Variants in RPTOR observed in about 807,000 individuals in gnomAD.
RPTOR encodes the protein regulatory associated protein of MTOR complex 1.
In RPTOR, 21 loss-of-function variants were observed where a neutral mutation model predicts 169.9. The observed-to-expected ratio is 0.12, with a 90% CI of 0.09 to 0.18. The LOEUF (loss-of-function observed/expected upper bound fraction) is 0.18. RPTOR is among the 10% of genes least tolerant of loss of function. The pLI, the probability that RPTOR is intolerant of heterozygous loss-of-function variation, is 1.00. For synonymous variants in RPTOR, 732 were observed against 753.2 expected (o/e 0.97, Z 0.46); for missense variants, 1,133 against 1,855.9 (o/e 0.61, Z 7.16).
At chr17:80,879,344 G>A (rs1260960999) in intron 13 of RPTOR, among the ~76,000 whole-genome samples, 2 of 149,492 alleles carry the variant, frequency 1.3e-5, no homozygotes, top group African/African-American at 2.5e-5. Context: ...CCTGCCCAAC[G>A]CCACCTGCCC....
intron 6 of RPTOR, among the ~76,000 whole-genome samples, chr17:80,781,805 G>T (rs979783482): frequency 2.6e-5 from 4 of 152,238 alleles, no homozygotes; most frequent in Admixed American, 6.5e-5. Flanking sequence ...CCTGCACTGC[G>T]CTGGAGGGAC....
chr17:80,800,531 C>T (rs772076050), intron 7 of RPTOR, among the ~76,000 whole-genome samples: 4 of 152,188 alleles, frequency 2.6e-5, no homozygotes, highest in Non-Finnish European at 4.4e-5. Flanking sequence ...TCTAATTAAG[C>T]TGCTGTGTCT....
intron 20 of RPTOR, 50 bp from the exon 21 acceptor site, chr17:80,908,761 C>T: frequency 1.8e-5 from 24 of 1,364,408 alleles, no homozygotes; most frequent in Non-Finnish European, 2.5e-5. Flanking sequence ...CCTTAGGAGC[C>T]TCATTGGCAG....
rs1555626160 is a variant in RPTOR at position 80,844,988 on chromosome 17, TTC to T, written c.1213-1483_1213-1482del. ...GAGGCTGGTAGTTGTTTTTTTTTTT[TTC>T]TTTAATTCTTTGTATCGGGGGCTCA... On this transcript the variant is annotated intron_variant, in intron 10 of 33. Coordinates refer to ENST00000306801, the MANE Select transcript of RPTOR (RefSeq NM_020761.3). The surrounding 1 kb of genome is among the most constrained non-coding windows in gnomAD (Gnocchi z 4.7). Among the ~76,000 whole-genome samples, 24 of 151,648 alleles carry T rather than the reference TTC, an allele frequency of 1.6e-4. No homozygotes were observed. In the East Asian group the frequency reaches 4.6e-3, roughly 29 times the overall value.
At chr17:80,943,516 C>T (rs535388884) in intron 25 of RPTOR, among the ~76,000 whole-genome samples, 1 of 152,082 alleles carries the variant, frequency 6.6e-6, no homozygotes, top group Admixed American at 6.5e-5. Flanking sequence ...GGTTCTACCC[C>T]AGATCGGGAG....
intron 1 of RPTOR, among the ~76,000 whole-genome samples, chr17:80,566,139 G>A (rs2084586938): frequency 1.3e-5 from 2 of 152,216 alleles, no homozygotes; most frequent in South Asian, 4.1e-4. Flanking sequence ...GAGTCTGAGT[G>A]TTTTCATCAA....
chr17:80,725,470 A>G (rs950608872), intron 4 of RPTOR, among the ~76,000 whole-genome samples: 1 of 152,242 alleles, frequency 6.6e-6, no homozygotes, highest in Non-Finnish European at 1.5e-5. Flanking sequence ...AATGAAAACC[A>G]TTGGCCACAA....
intron 6 of RPTOR, among the ~76,000 whole-genome samples, chr17:80,777,206 C>T (rs2066899653): frequency 2.0e-5 from 3 of 150,620 alleles, no homozygotes; most frequent in African/African-American, 7.3e-5. Context: ...CATTGCACTC[C>T]CAGTCTTGGC....
chr17:80,637,166 G>A (rs991423981), intron 2 of RPTOR, among the ~76,000 whole-genome samples: 3 of 152,198 alleles, frequency 2.0e-5, no homozygotes, highest in Non-Finnish European at 2.9e-5. Flanking sequence ...AAGGGTAACT[G>A]TGTGTGCCTG....
Position 80,651,729 on chromosome 17 carries a change from A to T in RPTOR, c.348+7919A>T, listed in dbSNP as rs58555097. On this transcript the variant is annotated intron_variant, in intron 3 of 33. Transcript: ENST00000306801. This position sits in a 1 kb window ranked among gnomAD's most constrained non-coding sequence, Gnocchi z 4.1. ...AACCTTGTCTCTACTAAAAATATTTAAAAAATGGCCAGGCACGGTGGCTCA... is the reference window on the plus strand; with the variant it reads ...AACCTTGTCTCTACTAAAAATATTTTAAAAATGGCCAGGCACGGTGGCTCA... Among the ~76,000 whole-genome samples, 2,080 of 152,234 alleles carry T rather than the reference A, an allele frequency of 0.014. 58 individuals are homozygous for T. The highest frequency in any genetic ancestry group is 0.047 in the African/African-American group (1,962 of 41,522).
Position 80,964,506 on chromosome 17 carries a change from G to C in RPTOR, c.*176G>C, listed in dbSNP as rs116690497. 3.1e-6 allele frequency: 2 copies of C among 643,678 alleles called. No homozygotes were observed. Among genetic ancestry groups the C allele is most frequent in the Admixed American group, 2.6e-5 (1 of 38,878 alleles). The allele number at this position is 643,678 out of a possible 1,614,324, so 39.9% of individuals were successfully genotyped here. On this transcript the variant is annotated 3_prime_UTR_variant, in exon 34 of 34. Transcript: ENST00000306801. The stretch of plus-strand genomic sequence containing the variant: ...CTCGCTTTTGTCTGTCTTCGCTGTC[G>C]TGTCTGGAATGTCAGGGAAGGGGAG...
At chr17:80,657,934 CTATTAGTGATG>C (rs1451125140) in intron 3 of RPTOR, among the ~76,000 whole-genome samples, 1 of 152,098 alleles carries the variant, frequency 6.6e-6, no homozygotes, top group Non-Finnish European at 1.5e-5. Context: ...TTTTCTCCTT[CTATTAGTGATG>C]TATCAGAGAA....
chr17:80,876,065 G>A (rs1271909688), intron 13 of RPTOR, among the ~76,000 whole-genome samples: 2 of 102,860 alleles, frequency 1.9e-5, no homozygotes, highest in Non-Finnish European at 1.9e-5. Context: ...TTCACACCGA[G>A]CCCGTGCCAC....
At chr17:80,909,075 T>G (rs2068580530) in intron 21 of RPTOR, 146 bp downstream of exon 21, 1 of 679,460 alleles carries the variant, frequency 1.5e-6, no homozygotes, top group Admixed American at 2.1e-5. Context: ...AATCTGGAGA[T>G]GTACACAGTA....
At chr17:80,896,608 G>T (rs79262398) in intron 20 of RPTOR, among the ~76,000 whole-genome samples, 4,931 of 151,094 alleles carry the variant, frequency 0.033, 178 homozygotes, top group African/African-American at 0.087. Context: ...CACCACAGCT[G>T]CGGGGGCAGC....
At position 80,925,375 on chromosome 17, in the gene RPTOR, G is replaced by T. The variant is rs772382242; in HGVS notation, c.2814G>T (p.Ala938=). The change falls in exon 24 of 34, where the codon GCG becomes GCT. Residue 938 remains alanine, a synonymous_variant. Transcript: ENST00000306801. ...KMFDKGPEQT[A]DDADDAAGHK... ...CTCCTGCTTAAACCCTGAAGACTGC[G>T]GACGACGCGGACGATGCTGCTGGAC... 1.2e-6 allele frequency: 2 copies of T among 1,613,506 alleles called. No homozygotes were observed. Among genetic ancestry groups the T allele is most frequent in the Admixed American group, 3.3e-5 (2 of 60,016 alleles).
At chr17:80,623,848 A>G (rs2065373749) in intron 1 of RPTOR, among the ~76,000 whole-genome samples, 1 of 152,062 alleles carries the variant, frequency 6.6e-6, no homozygotes, top group African/African-American at 2.4e-5. Context: ...TCTTTTCTTT[A>G]TGCTAGGAAC....
intron 9 of RPTOR, among the ~76,000 whole-genome samples, chr17:80,830,004 A>G (rs1428920398): frequency 6.6e-6 from 1 of 152,208 alleles, no homozygotes. Flanking sequence ...GCTGAAAATT[A>G]TATCATGAGC....
intron 3 of RPTOR, among the ~76,000 whole-genome samples, chr17:80,648,658 A>G (rs1376543240): frequency 1.3e-5 from 2 of 152,066 alleles, no homozygotes; most frequent in African/African-American, 4.8e-5. Context: ...TTTGTGGGCA[A>G]AGCAATTGGT....
Sources: allele counts gnomAD v4.1 joint callset (sites outside exome capture counted in the v4.1 genomes callset), GRCh38; gene constraint gnomAD v4.1.1; non-coding constraint Gnocchi (gnomAD v3.1); transcripts MANE v1.5; gene names NCBI Gene and HGNC (gene_info 2026-07-23, HGNC 2026-07-21).